The following NELL1 variants were observed in gnomAD, a reference collection of about 807,000 sequenced individuals.
NELL1 encodes neural EGFL like 1, also known as protein kinase C-binding protein NELL1.
NELL1 carries 76 observed loss-of-function variants against 107.4 expected under a neutral mutation model. The observed-to-expected ratio is 0.71, with a 90% CI of 0.59 to 0.86. The LOEUF is 0.86. Ranked by LOEUF, NELL1 falls within the 40% of genes least tolerant of loss-of-function variation. The pLI, the probability that NELL1 is intolerant of heterozygous loss-of-function variation, is 0.00. For synonymous variants in NELL1, 353 were observed against 341.2 expected (o/e 1.03, Z -0.38); for missense variants, 1,024 against 1,005.5 (o/e 1.02, Z -0.25).
At chr11:21,259,307 G>A (rs547644503) in intron 14 of NELL1, among the ~76,000 whole-genome samples, 1 of 151,958 alleles carries the variant, frequency 6.6e-6, no homozygotes, top group Admixed American at 6.6e-5. Flanking sequence ...AGCATAATGG[G>A]AGTGGTTTGC....
intron 9 of NELL1, among the ~76,000 whole-genome samples, chr11:20,931,950 G>C (rs1305844277): frequency 1.3e-5 from 2 of 152,160 alleles, no homozygotes; most frequent in Non-Finnish European, 2.9e-5. Context: ...TGTAAAAGCA[G>C]ATTGTGTTGT....
At chr11:21,532,874 A>G (rs950917283) in intron 15 of NELL1, among the ~76,000 whole-genome samples, 14 of 152,248 alleles carry the variant, frequency 9.2e-5, no homozygotes, top group Non-Finnish European at 1.8e-4. Flanking sequence ...TCATTTCTCT[A>G]CTTGAAGTTT....
chr11:21,229,200 A>G, intron 13 of NELL1, 132 bp from the exon 14 acceptor site: 1 of 928,362 alleles, frequency 1.1e-6, no homozygotes, highest in South Asian at 1.6e-5. Flanking sequence ...AGGAACTTTT[A>G]GGCGCATAGT....
chr11:21,182,279 C>G (rs1006402513), intron 13 of NELL1, among the ~76,000 whole-genome samples: 5 of 151,464 alleles, frequency 3.3e-5, no homozygotes, highest in Non-Finnish European at 7.4e-5. Context: ...ACTAAAAATA[C>G]AAAAATTAGC....
chr11:21,055,657 C>A (rs1428473135), intron 12 of NELL1, among the ~76,000 whole-genome samples: 1 of 151,994 alleles, frequency 6.6e-6, no homozygotes, highest in African/African-American at 2.4e-5. Context: ...TATTTTTTGA[C>A]TCATCTCATA....
intron 5 of NELL1, among the ~76,000 whole-genome samples, chr11:20,891,997 G>A (rs778051258): frequency 3.3e-4 from 51 of 152,242 alleles, no homozygotes; most frequent in Admixed American, 1.5e-3. Context: ...CTTGAACTCC[G>A]CTTTGCATCA....
rs865775864 is a variant in NELL1 at position 21,071,132 on chromosome 11, C to T, written c.1301-42457C>T. On this transcript the variant is annotated intron_variant, in intron 12 of 19. Transcript: ENST00000357134. ...ACTTGGTTTTAAATCCTGCCCCATT[C>T]GCTGTGTAATCTTGGGCAAATTTGG... 2.6e-5 allele frequency among the ~76,000 whole-genome samples: 4 copies of T among 152,084 alleles called. No individual in the cohort carries two copies. In the South Asian group the frequency reaches 8.3e-4, roughly 32 times the overall value.
At chr11:21,559,856 T>C (rs1243651513) in intron 16 of NELL1, among the ~76,000 whole-genome samples, 1 of 152,144 alleles carries the variant, frequency 6.6e-6, no homozygotes, top group African/African-American at 2.4e-5. Flanking sequence ...AAGAACTTGC[T>C]AACTGCTACT....
rs556038695 is a variant in NELL1 at position 21,089,623 on chromosome 11, C to T, written c.1301-23966C>T. ...ACTTGTGGCAAGGTAATCCATCTGC[C>T]GTTATTTGTTTCTGCAAGCTGCAAA... On this transcript the variant is annotated intron_variant, in intron 12 of 19. Transcript: ENST00000357134. Among the ~76,000 whole-genome samples, 10 of 152,190 alleles carry T rather than the reference C, an allele frequency of 6.6e-5. 1 individual carries two copies. Among genetic ancestry groups the T allele is most frequent in the South Asian group, 6.2e-4 (3 of 4,818 alleles).
intron 1 of NELL1, among the ~76,000 whole-genome samples, chr11:20,671,591 T>C (rs1853911555): frequency 6.6e-6 from 1 of 152,212 alleles, no homozygotes; most frequent in South Asian, 2.1e-4. Context: ...CTTTAAATCT[T>C]GTAAAAATTT....
rs141540263 is a variant in NELL1 at position 21,125,379 on chromosome 11, C to G, written c.1426+11665C>G. 3.4e-4 allele frequency among the ~76,000 whole-genome samples: 52 copies of G among 152,062 alleles called. 1 individual carries two copies. The highest frequency in any genetic ancestry group is 1.2e-3 in the African/African-American group (49 of 41,408). On this transcript the variant is annotated intron_variant, in intron 13 of 19. Coordinates refer to ENST00000357134, the MANE Select transcript of NELL1 (RefSeq NM_006157.5). The stretch of plus-strand genomic sequence containing the variant: ...TTGAAAGATTAAGGTTTAACTAGCT[C>G]AATGGTTTTCAGTCAGAATAACTTG...
chr11:21,168,806 G>T (rs148185146), intron 13 of NELL1, among the ~76,000 whole-genome samples: 1 of 151,902 alleles, frequency 6.6e-6, no homozygotes, highest in Non-Finnish European at 1.5e-5. Flanking sequence ...TATTTTCAAT[G>T]CCTCATCTTT....
intron 13 of NELL1, among the ~76,000 whole-genome samples, chr11:21,144,535 A>G (rs1855935295): frequency 6.6e-6 from 1 of 152,182 alleles, no homozygotes; most frequent in Non-Finnish European, 1.5e-5. Flanking sequence ...AGGTTTTGTT[A>G]GCAGGAGCAC....
chr11:20,804,736 A>G (rs1356307934), intron 3 of NELL1, among the ~76,000 whole-genome samples: 1 of 151,980 alleles, frequency 6.6e-6, no homozygotes, highest in Non-Finnish European at 1.5e-5. Context: ...CCATGTGCTG[A>G]GGAGAAGCAT....
At chr11:21,263,272 T>G (rs553855614) in intron 14 of NELL1, among the ~76,000 whole-genome samples, 1 of 152,064 alleles carries the variant, frequency 6.6e-6, no homozygotes, top group South Asian at 2.1e-4. Flanking sequence ...TTTCCACTCA[T>G]ACTTAAGAGC....
At chr11:20,750,346 G>T (rs911927532) in intron 2 of NELL1, among the ~76,000 whole-genome samples, 3 of 151,882 alleles carry the variant, frequency 2.0e-5, no homozygotes, top group African/African-American at 7.3e-5. Context: ...TGCATTGCAG[G>T]TACTTTTCTT....
intron 12 of NELL1, among the ~76,000 whole-genome samples, chr11:21,101,092 T>C (rs1351892367): frequency 3.3e-5 from 5 of 151,952 alleles, no homozygotes; most frequent in Non-Finnish European, 7.4e-5. Flanking sequence ...ATGCGGTGTT[T>C]GGATTTTGTC....
At chr11:21,345,701 G>A (rs753122368) in intron 14 of NELL1, among the ~76,000 whole-genome samples, 1 of 152,192 alleles carries the variant, frequency 6.6e-6, no homozygotes, top group Non-Finnish European at 1.5e-5. Context: ...GCTGACTGCT[G>A]TAAAATAAAT....
chr11:21,383,663 A>T (rs1271765735), intron 15 of NELL1: 2 of 140,658 alleles, frequency 1.4e-5, no homozygotes, highest in Non-Finnish European at 3.0e-5. Context: ...ACAGATTTAT[A>T]TATGTATATA....
Sources: allele counts gnomAD v4.1 joint callset (sites outside exome capture counted in the v4.1 genomes callset), GRCh38; gene constraint gnomAD v4.1.1; transcripts MANE v1.5; gene names NCBI Gene and HGNC (gene_info 2026-07-23, HGNC 2026-07-21).